Variants in RUVBL1 observed in about 807,000 individuals in gnomAD.
The protein encoded by RUVBL1 is RuvB like AAA ATPase 1.
A neutral mutation model predicts 52.4 loss-of-function variants in RUVBL1; 4 were observed. The observed-to-expected ratio is 0.08, with a 90% confidence interval of 0.04 to 0.17. The LOEUF is 0.17. Ranked by LOEUF, RUVBL1 falls within the 10% of genes least tolerant of loss-of-function variation. The pLI is 1.00. For synonymous variants in RUVBL1, 217 were observed against 214.4 expected (o/e 1.01, Z -0.10); for missense variants, 298 against 572.8 (o/e 0.52, Z 4.90).
chr3:128,101,505 T>A, intron 5 of RUVBL1, 54 bp downstream of exon 5: 1 of 1,531,540 alleles, frequency 6.5e-7, no homozygotes, highest in South Asian at 1.1e-5. Flanking sequence ...GTCACTTAGG[T>A]CTTCTCATGG....
Position 128,097,585 on chromosome 3 carries a change from A to G in RUVBL1, c.818-87T>C, listed in dbSNP as rs149287162. Reference sequence around the variant, plus strand: ...TCTCCTCCACCTGAATTCAATCCAAACCCATGCTAGGAGCCTAGTTTTCCT... The same window carrying G: ...TCTCCTCCACCTGAATTCAATCCAAGCCCATGCTAGGAGCCTAGTTTTCCT... On this transcript the variant is annotated intron_variant, in intron 7 of 10. Coordinates refer to ENST00000322623, the MANE Select transcript of RUVBL1 (RefSeq NM_003707.3). The G allele has an allele frequency of 3.3e-4, 402 of 1,222,368 alleles. 1 individual carries two copies. The African/African-American group carries it at 5.0e-3, about 15-fold the overall frequency. The allele number at this position is 1,222,368 out of a possible 1,614,324, so 75.7% of individuals were successfully genotyped here. A position where few individuals can be genotyped will look rare whatever the true frequency, so the allele number is the denominator to read the frequency against.
chr3:128,150,631 TATATTCTATACATATATTCTATAC>T (rs1176025749), intron 1 of RUVBL1, among the ~76,000 whole-genome samples: 28 of 109,066 alleles, frequency 2.6e-4, no homozygotes, highest in Admixed American at 4.7e-4. Flanking sequence ...ATTCTATGTA[TATATTCTATACATATATTCTATAC>T]ATATTCTATA....
chr3:128,074,910 C>T (rs979796160), intron 9 of RUVBL1, among the ~76,000 whole-genome samples: 1 of 147,920 alleles, frequency 6.8e-6, no homozygotes, highest in African/African-American at 2.5e-5. Context: ...TAATTATACA[C>T]ATGCTTAACT....
At chr3:128,142,438 A>G (rs764237390) in intron 1 of RUVBL1, among the ~76,000 whole-genome samples, 3 of 152,240 alleles carry the variant, frequency 2.0e-5, no homozygotes, top group Non-Finnish European at 4.4e-5. Flanking sequence ...ATTAGGAGCC[A>G]TCCATTTAAT....
chr3:128,094,680 A>T (rs1260243434), intron 8 of RUVBL1, among the ~76,000 whole-genome samples: 1 of 152,152 alleles, frequency 6.6e-6, no homozygotes, highest in Non-Finnish European at 1.5e-5. Flanking sequence ...GGAGGACATG[A>T]GATGGCCCAT....
At chr3:128,153,615 T>G (rs1480226746) in exon 1 of RUVBL1, 23 of 1,596,084 alleles carry the variant, frequency 1.4e-5, no homozygotes, top group Non-Finnish European at 1.8e-5. Flanking sequence ...CCGCCGCCTT[T>G]GACAAGCAGC....
At chr3:128,087,661 G>C in intron 9 of RUVBL1, 45 bp downstream of exon 9, 1 of 1,492,922 alleles carries the variant, frequency 6.7e-7, no homozygotes, top group Non-Finnish European at 9.3e-7. Context: ...GTGAACACTG[G>C]GAGCAAATGA....
chr3:128,092,502 CAACAGAAAGACAAAG>C (rs1293909820), intron 8 of RUVBL1, among the ~76,000 whole-genome samples: 1 of 151,504 alleles, frequency 6.6e-6, no homozygotes, highest in African/African-American at 2.4e-5. Flanking sequence ...TACAATTCGA[CAACAGAAAGACAAAG>C]AACCTGAATA....
intron 1 of RUVBL1, among the ~76,000 whole-genome samples, chr3:128,149,348 C>A (rs147045227): frequency 1.9e-4 from 29 of 152,194 alleles, no homozygotes; most frequent in African/African-American, 6.3e-4. Flanking sequence ...CCATGCCTGG[C>A]TAATTTTTGT....
intron 3 of RUVBL1, among the ~76,000 whole-genome samples, chr3:128,110,800 T>C (rs1261132892): frequency 1.3e-5 from 2 of 152,172 alleles, no homozygotes; most frequent in African/African-American, 4.8e-5. Flanking sequence ...CACTTCCCTA[T>C]TGCTAAATAT....
intron 1 of RUVBL1, among the ~76,000 whole-genome samples, chr3:128,152,893 C>CCCCCCCCCCCCCCGCCCCCCATCCT (rs1944252016): frequency 1.0e-4 from 3 of 29,768 alleles, no homozygotes; most frequent in Non-Finnish European, 6.7e-5. Flanking sequence ...CCCCCTCCCC[C>CCCCCCCCCCCCCCGCCCCCCATCCT]ACGTCCCCCC....
At chr3:128,077,153 C>T (rs2005920), downstream of RUVBL1, among the ~76,000 whole-genome samples, 14 of 151,902 alleles carry the variant, frequency 9.2e-5, no homozygotes, top group African/African-American at 2.9e-4. Context: ...CGCTGATGGC[C>T]GCCCAGCCCG....
At chr3:128,140,012 A>G (rs1943996010) in intron 1 of RUVBL1, among the ~76,000 whole-genome samples, 1 of 152,142 alleles carries the variant, frequency 6.6e-6, no homozygotes, top group South Asian at 2.1e-4. Context: ...ACATTTAAAA[A>G]TAACTAAAAG....
At chr3:128,096,324 C>T (rs1942968195) in intron 8 of RUVBL1, among the ~76,000 whole-genome samples, 2 of 152,308 alleles carry the variant, frequency 1.3e-5, no homozygotes, top group Non-Finnish European at 2.9e-5. Context: ...TCTCCAGGAC[C>T]ACGAGCGTGG....
intron 3 of RUVBL1, 35 bp downstream of exon 3, chr3:128,112,853 A>G: frequency 6.2e-7 from 1 of 1,606,944 alleles, no homozygotes; most frequent in Non-Finnish European, 8.5e-7. Flanking sequence ...TCAGGAAGTG[A>G]GACCAACTCC....
At position 128,116,651 on chromosome 3, in the gene RUVBL1, T is replaced by C. The variant is rs1266932151; in HGVS notation, c.228+2677A>G. ...AACTGAAACAACTTGGAAAGATGTT[T>C]TCTGATTTCTATCACCTATATTTTC... On this transcript the variant is annotated intron_variant, in intron 2 of 10. Transcript: ENST00000322623. Among the ~76,000 whole-genome samples, 8 of 152,372 alleles carry C rather than the reference T, an allele frequency of 5.3e-5. No individual in the cohort carries two copies. The East Asian group carries it at 1.5e-3, about 29-fold the overall frequency.
chr3:128,121,525 C>T (rs550321641), intron 1 of RUVBL1, among the ~76,000 whole-genome samples: 8 of 151,424 alleles, frequency 5.3e-5, no homozygotes, highest in African/African-American at 1.9e-4. Context: ...GCCTGGTCAA[C>T]ATGGTGAAAC....
At chr3:128,072,531 C>G (rs1942194982) in intron 9 of RUVBL1, among the ~76,000 whole-genome samples, 1 of 152,196 alleles carries the variant, frequency 6.6e-6, no homozygotes. Context: ...AGCCACACCT[C>G]AGCACTGTGT....
chr3:128,119,714 G>C (rs147888426), intron 1 of RUVBL1, among the ~76,000 whole-genome samples: 3 of 152,204 alleles, frequency 2.0e-5, no homozygotes, highest in Non-Finnish European at 2.9e-5. Context: ...AGTGATCCTG[G>C]AGTGTCTTTC....
Sources: gnomAD v4.1 joint callset for allele counts (sites outside exome capture counted in the v4.1 genomes callset) on GRCh38, gnomAD v4.1.1 for gene constraint, MANE v1.5 for transcripts, NCBI Gene and HGNC (gene_info 2026-07-23, HGNC 2026-07-21) for gene names.